PTPRZ1: variants seen among roughly 807,000 people sequenced by gnomAD.
PTPRZ1 encodes the protein receptor-type tyrosine-protein phosphatase zeta.
In PTPRZ1, 82 loss-of-function variants were observed where a neutral mutation model predicts 214.1. The ratio of observed to expected loss-of-function variants is 0.38; its 90% CI spans 0.32 to 0.46. PTPRZ1 has a LOEUF of 0.46. Among genes scored for constraint, PTPRZ1 ranks in the 20% least tolerant of loss-of-function variants. The probability of loss-of-function intolerance (pLI) is 1.00; values close to 1 mark genes in which losing one functional copy is unlikely to be tolerated. For missense variants in PTPRZ1, 2,603 were observed against 2,748.7 expected (o/e 0.95, Z 1.19); for synonymous variants, 945 against 987.9 (o/e 0.96, Z 0.81).
intron 29 of PTPRZ1, 81 bp from the exon 30 acceptor site, chr7:122,060,999 G>A (rs530616492): frequency 3.6e-6 from 5 of 1,391,712 alleles, no homozygotes; most frequent in Non-Finnish European, 4.9e-6. Context: ...GCTGAAGTGT[G>A]TCTAAAAATA....
At chr7:122,025,815 G>C (rs563859592) in intron 13 of PTPRZ1, among the ~76,000 whole-genome samples, 3 of 152,296 alleles carry the variant, frequency 2.0e-5, no homozygotes, top group East Asian at 3.9e-4. Flanking sequence ...ATTTTGGTTA[G>C]AAGTAGAGGA....
At chr7:122,026,642 C>T (rs1019266232) in intron 13 of PTPRZ1, among the ~76,000 whole-genome samples, 3 of 152,174 alleles carry the variant, frequency 2.0e-5, no homozygotes, top group African/African-American at 7.2e-5. Flanking sequence ...CCCTTTGACA[C>T]TTGTTTCTGT....
chr7:122,012,718 C>T lies in PTPRZ1; in HGVS notation c.3672C>T (p.Leu1224=), dbSNP rs1798713604. ...VDKISSTMLH[L]IVSNSASSEN... ...AAATTAGTTCTACAATGTTGCATCT[C>T]ATTGTATCAAATTCTGCTTCAAGTG... Residue 1224 remains leucine, a synonymous_variant, in exon 12 of 30, where the codon CTC becomes CTT. Transcript: ENST00000393386. 1 of 1,608,374 alleles carries T rather than the reference C, an allele frequency of 6.2e-7. No homozygotes were observed. The highest frequency in any genetic ancestry group is 8.5e-7 in the Non-Finnish European group (1 of 1,174,986).
At chr7:121,958,179 C>T (rs74441445) in intron 2 of PTPRZ1, among the ~76,000 whole-genome samples, 3 of 152,208 alleles carry the variant, frequency 2.0e-5, no homozygotes, top group Non-Finnish European at 4.4e-5. Flanking sequence ...CTCTAATTCA[C>T]TCTGTAGTCT....
In PTPRZ1 at chr7:121,983,691, A is replaced by G. The variant is rs1392898324; in HGVS notation, c.646A>G (p.Ile216Val). The stretch of plus-strand genomic sequence containing the variant: ...GAAGCAGGCTGCTTTAGATCCATTC[A>G]TACTGTTGAACCTTCTGCCAAACTC... The part of the protein sequence containing the change: ...FGKQAALDPF[I>V]LLNLLPNSTD... The change falls in exon 7 of 30, where the codon ATA (isoleucine) becomes GTA (valine). Residue 216 changes from isoleucine (I) to valine (V), a missense_variant. Ile to Val is a conservative substitution (Grantham distance 29). Coordinates refer to ENST00000393386, the MANE Select transcript of PTPRZ1 (RefSeq NM_002851.3). The G allele has an allele frequency of 3.7e-6, 6 of 1,613,502 alleles. No homozygotes were observed. Among genetic ancestry groups the G allele is most frequent in the East Asian group, 2.2e-5 (1 of 44,828 alleles).
intron 1 of PTPRZ1, among the ~76,000 whole-genome samples, chr7:121,926,857 A>G (rs1273937499): frequency 1.3e-5 from 2 of 152,220 alleles, no homozygotes; most frequent in South Asian, 2.1e-4. Flanking sequence ...AATGTCTTAT[A>G]TAGCCAATAG....
Position 121,904,442 on chromosome 7 carries a change from C to T in PTPRZ1, c.59-23714C>T, listed in dbSNP as rs566114041. Among the ~76,000 whole-genome samples, 143 of 152,220 alleles carry T rather than the reference C, an allele frequency of 9.4e-4. 1 individual carries two copies. The highest frequency in any genetic ancestry group is 3.1e-3 in the African/African-American group (130 of 41,534). On this transcript the variant is annotated intron_variant, in intron 1 of 29. Coordinates refer to ENST00000393386, the MANE Select transcript of PTPRZ1 (RefSeq NM_002851.3). ...TCACTCAAAGAAAGCAGACATAGGC[C>T]CCCAAAGATATTCACCTTGTGGACC...
intron 11 of PTPRZ1, among the ~76,000 whole-genome samples, chr7:122,004,954 A>G (rs1275834829): frequency 1.3e-5 from 2 of 152,076 alleles, no homozygotes; most frequent in African/African-American, 4.8e-5. Flanking sequence ...CACTACAGCT[A>G]TAAACTGGAA....
At chr7:122,042,016 C>T (rs565380545) in intron 21 of PTPRZ1, among the ~76,000 whole-genome samples, 75 of 152,260 alleles carry the variant, frequency 4.9e-4, no homozygotes, top group Middle Eastern at 3.4e-3. Context: ...AATCCCTGTC[C>T]GTGAATTCTG....
intron 8 of PTPRZ1, among the ~76,000 whole-genome samples, chr7:121,988,256 A>G (rs149069751): frequency 9.2e-5 from 14 of 152,302 alleles, no homozygotes; most frequent in African/African-American, 3.4e-4. Context: ...GGGATCAGAG[A>G]TGATACAGAA....
intron 3 of PTPRZ1, among the ~76,000 whole-genome samples, chr7:121,970,518 A>G (rs979489878): frequency 2.6e-5 from 4 of 152,000 alleles, no homozygotes; most frequent in Admixed American, 6.5e-5. Context: ...ATGATATCTC[A>G]TTGTGGTTTT....
chr7:122,047,179 C>G (rs1792015788), intron 23 of PTPRZ1, among the ~76,000 whole-genome samples: 1 of 152,118 alleles, frequency 6.6e-6, no homozygotes, highest in Non-Finnish European at 1.5e-5. Flanking sequence ...TGACCTTTGT[C>G]TAAGAGCTAT....
chr7:121,985,378 TG>T (rs1156366707), intron 8 of PTPRZ1, among the ~76,000 whole-genome samples: 3 of 152,216 alleles, frequency 2.0e-5, no homozygotes, highest in Non-Finnish European at 2.9e-5. Context: ...TTATCAATTC[TG>T]TTTTATTAAA....
At chr7:121,981,426 G>A (rs1305051686) in intron 6 of PTPRZ1, among the ~76,000 whole-genome samples, 1 of 152,160 alleles carries the variant, frequency 6.6e-6, no homozygotes, top group Non-Finnish European at 1.5e-5. Context: ...TTGGCTTCAG[G>A]GACTATTTCT....
chr7:122,041,723 T>C lies in PTPRZ1; in HGVS notation c.5801+744T>C, dbSNP rs73440952. 3.9e-3 allele frequency among the ~76,000 whole-genome samples: 597 copies of C among 152,356 alleles called. 4 individuals are homozygous for C. Among genetic ancestry groups the C allele is most frequent in the African/African-American group, 0.014 (568 of 41,580 alleles). On this transcript the variant is annotated intron_variant, in intron 21 of 29. Coordinates refer to ENST00000393386, the MANE Select transcript of PTPRZ1 (RefSeq NM_002851.3). The stretch of plus-strand genomic sequence containing the variant: ...AATTTGTTTCTATGTGAAGTATTGT[T>C]ATCAAAGCAGTGTGTTTTTAGAGAA...
At chr7:121,878,708 C>T (rs1794139748) in intron 1 of PTPRZ1, among the ~76,000 whole-genome samples, 2 of 152,256 alleles carry the variant, frequency 1.3e-5, no homozygotes, top group Non-Finnish European at 1.5e-5. Context: ...GACTCGACCA[C>T]ATTATTTGAG....
At chr7:121,990,893 AG>A (rs1797940174) in intron 8 of PTPRZ1, among the ~76,000 whole-genome samples, 1 of 152,240 alleles carries the variant, frequency 6.6e-6, no homozygotes, top group Non-Finnish European at 1.5e-5. Flanking sequence ...ACATAGCAAA[AG>A]TATGAAGTAG....
At chr7:121,969,561 CAAAA>C (rs5887062) in intron 3 of PTPRZ1, among the ~76,000 whole-genome samples, 80 of 122,884 alleles carry the variant, frequency 6.5e-4, no homozygotes, top group Admixed American at 3.0e-3. Context: ...AACTCTGTCT[CAAAA>C]AAAAAAAAAA....
chr7:121,919,994 T>A (rs1202425494), intron 1 of PTPRZ1, among the ~76,000 whole-genome samples: 1 of 151,828 alleles, frequency 6.6e-6, no homozygotes, highest in East Asian at 1.9e-4. Context: ...AAATCACAAC[T>A]TCCCCAAATT....
Sources: gnomAD v4.1 joint callset for allele counts (sites outside exome capture counted in the v4.1 genomes callset) on GRCh38, gnomAD v4.1.1 for gene constraint, MANE v1.5 for transcripts, NCBI Gene and HGNC (gene_info 2026-07-23, HGNC 2026-07-21) for gene names.